The following THRA variants were observed in gnomAD, a reference collection of about 807,000 sequenced individuals.
THRA encodes the protein EAR-7.
A neutral mutation model predicts 45.0 loss-of-function variants in THRA; 13 were observed. The observed-to-expected ratio is 0.29, with a 90% CI of 0.19 to 0.46. The LOEUF (loss-of-function observed/expected upper bound fraction) is 0.46, where lower values mean the gene tolerates loss of function less well. THRA is among the 20% of genes least tolerant of loss of function. The pLI is 1.00. For synonymous variants in THRA, 195 were observed against 214.0 expected (o/e 0.91, Z 0.78); for missense variants, 278 against 556.1 (o/e 0.50, Z 5.03).
chr17:40,064,451 G>A (rs1013953203), intron 1 of THRA, among the ~76,000 whole-genome samples: 2 of 152,178 alleles, frequency 1.3e-5, no homozygotes, highest in Non-Finnish European at 2.9e-5. Flanking sequence ...CGTGACAGTC[G>A]CTGTCACTCA....
chr17:40,086,483 T>C (rs1186957203), intron 6 of THRA, among the ~76,000 whole-genome samples: 1 of 152,242 alleles, frequency 6.6e-6, no homozygotes, highest in African/African-American at 2.4e-5. Flanking sequence ...TCAGTCATTA[T>C]AGCTGCTACT....
chr17:40,066,685 GAAAA>G (rs1378449099), intron 1 of THRA, among the ~76,000 whole-genome samples: 2 of 68,036 alleles, frequency 2.9e-5, no homozygotes, highest in Non-Finnish European at 5.3e-5. Context: ...AAAAAAAAAA[GAAAA>G]ACAAAAAAGA....
chr17:40,091,245 C>CACACAG lies in THRA; in HGVS notation c.*1794_*1795insGACACA, dbSNP rs1379303177. 6.6e-5 allele frequency: 10 copies of CACACAG among 152,428 alleles called. No homozygotes were observed. 9.4% of individuals were successfully genotyped at this position (152,428 alleles called of 1,614,324 possible). A position where few individuals can be genotyped will look rare whatever the true frequency, so the allele number is the denominator to read the frequency against. On this transcript the variant is annotated 3_prime_UTR_variant, in exon 9 of 9. Coordinates refer to ENST00000450525, the MANE Select transcript of THRA (RefSeq NM_199334.5). ...CCACAGCCCCCTACACACACACACA[C>CACACAG]ACACACACACACACACACACACACA...
chr17:40,065,518 ACT>A (rs1398622216), intron 1 of THRA, among the ~76,000 whole-genome samples: 2 of 150,508 alleles, frequency 1.3e-5, no homozygotes, highest in Non-Finnish European at 3.0e-5. Context: ...CCAGTCTGTA[ACT>A]CTCTCTCACC....
intron 5 of THRA, among the ~76,000 whole-genome samples, chr17:40,084,282 C>T (rs965531549): frequency 1.3e-5 from 2 of 152,140 alleles, no homozygotes; most frequent in African/African-American, 4.8e-5. Flanking sequence ...TGACTCCCAG[C>T]GAAGGCACCC....
At chr17:40,068,314 C>T (rs1328697547) in intron 1 of THRA, among the ~76,000 whole-genome samples, 3 of 152,270 alleles carry the variant, frequency 2.0e-5, no homozygotes, top group African/African-American at 7.2e-5. Flanking sequence ...ATCCATGTTG[C>T]ATCCTGGCAT....
At chr17:40,069,129 C>A (rs1262733604) in intron 1 of THRA, 1 of 142,494 alleles carries the variant, frequency 7.0e-6, no homozygotes, top group African/African-American at 2.6e-5. Flanking sequence ...CCTCTTCCCT[C>A]TCCCTCTCTC....
chr17:40,066,018 C>T (rs1046616684), intron 1 of THRA, among the ~76,000 whole-genome samples: 2 of 152,228 alleles, frequency 1.3e-5, no homozygotes, highest in Non-Finnish European at 2.9e-5. Flanking sequence ...TCTCCACACC[C>T]CTGGCAGCTG....
rs1567656023 is a variant in THRA, at chr17:40,089,042, TCTC to T, written c.983-161_983-159del. Among the ~76,000 whole-genome samples the T allele has an allele frequency of 1.5e-5, 2 of 133,410 alleles. No homozygotes were observed. The highest frequency in any genetic ancestry group is 5.6e-5 in the African/African-American group (2 of 35,688). The allele number at this position is 133,410 out of a possible 152,430, so 87.5% of individuals were successfully genotyped here. On this transcript the variant is annotated intron_variant, in intron 8 of 8. Coordinates refer to ENST00000450525, the MANE Select transcript of THRA (RefSeq NM_199334.5). The surrounding 1 kb of genome is among the most constrained non-coding windows in gnomAD (Gnocchi z 6.1). ...CCAGCTGCCTCCCTCTCCCTGTGCT[TCTC>T]CTGTCCACGTCTCTCAGGGGGAGCT...
rs1598399130 is a variant in THRA at position 40,090,036 on chromosome 17, G to C, written c.*580G>C. 2 of 986,462 alleles carry C rather than the reference G, an allele frequency of 2.0e-6. No homozygotes were observed. Among genetic ancestry groups the C allele is most frequent in the Non-Finnish European group, 2.4e-6 (2 of 830,684 alleles). The allele number at this position is 986,462 out of a possible 1,614,324, so 61.1% of individuals were successfully genotyped here. A position where few individuals can be genotyped will look rare whatever the true frequency, so the allele number is the denominator to read the frequency against. ...GACAAATGAAGAAAAACTAGACAGA[G>C]AGAAAAATACAAAAAAGAGAGAGCG... is the stretch of plus-strand genomic sequence containing the variant. On this transcript the variant is annotated 3_prime_UTR_variant, in exon 9 of 9. Transcript: ENST00000450525.
chr17:40,080,785 C>T (rs1408136368), intron 4 of THRA, among the ~76,000 whole-genome samples: 1 of 148,304 alleles, frequency 6.7e-6, no homozygotes. Context: ...TGCAGTGGCG[C>T]GATCTTGGCT....
At chr17:40,093,008 C>G, downstream of THRA, 1 of 1,600,476 alleles carries the variant, frequency 6.2e-7, no homozygotes, top group Non-Finnish European at 8.5e-7. This position sits in a 1 kb window ranked among gnomAD's most constrained non-coding sequence, Gnocchi z 5.9. Context: ...TTTTCCTTTT[C>G]GTCTCGTAAA....
chr17:40,082,207 CTT>C (rs770974952), intron 4 of THRA, among the ~76,000 whole-genome samples: 1,754 of 78,746 alleles, frequency 0.022, 28 homozygotes, highest in African/African-American at 0.081. Flanking sequence ...CTTGGATTTC[CTT>C]TTTTTTTTTT....
At position 40,088,179 on chromosome 17, in the gene THRA, G is replaced by A. The variant is rs1449217981; in HGVS notation, c.724-63G>A. The A allele has an allele frequency of 2.6e-6, 4 of 1,538,208 alleles. No homozygotes were observed. In the East Asian group the frequency reaches 9.0e-5, roughly 35 times the overall value. On this transcript the variant is annotated intron_variant, in intron 7 of 8. Coordinates refer to ENST00000450525, the MANE Select transcript of THRA (RefSeq NM_199334.5). ...CTCACGGCTCCCGTAGGACACTCTA[G>A]GGGAGACTCAAGGACGCGGGGAGGG... is the stretch of plus-strand genomic sequence containing the variant.
chr17:40,076,999 C>G, intron 3 of THRA, 61 bp downstream of exon 3: 1 of 1,539,568 alleles, frequency 6.5e-7, no homozygotes, highest in Non-Finnish European at 8.9e-7. Flanking sequence ...CCAGCCAGGG[C>G]TCCTCTGGAC....
chr17:40,093,728 C>T (rs1987680068), downstream of THRA: 1 of 642,790 alleles, frequency 1.6e-6, no homozygotes, highest in Non-Finnish European at 2.7e-6. This position sits in a 1 kb window ranked among gnomAD's most constrained non-coding sequence, Gnocchi z 5.9. Context: ...TACTGTGACA[C>T]TTATCTCACT....
intron 4 of THRA, among the ~76,000 whole-genome samples, chr17:40,083,188 A>G (rs2145073738): frequency 6.6e-6 from 1 of 152,002 alleles, no homozygotes; most frequent in East Asian, 1.9e-4. Context: ...CAGCCTCCCA[A>G]AGTGCTGGGA....
chr17:40,082,758 CTTTTTTTTTTT>C (rs920725279), intron 4 of THRA, among the ~76,000 whole-genome samples: 21 of 67,516 alleles, frequency 3.1e-4, no homozygotes, highest in Non-Finnish European at 5.2e-4. Flanking sequence ...GAATCGCATG[CTTTTTTTTTTT>C]TTTTTTTTTT....
In THRA at chr17:40,092,258, G is replaced by A. The variant is rs148709476; in HGVS notation, c.*2802G>A. ...CTGCAGGGCTGGGAGAGGGCAGGGC[G>A]TTGTGAGAGAGAGACCGTCCATAAG... On this transcript the variant is annotated 3_prime_UTR_variant, in exon 9 of 9. Coordinates refer to ENST00000450525, the MANE Select transcript of THRA (RefSeq NM_199334.5). 1.2e-3 allele frequency: 183 copies of A among 149,528 alleles called. 1 individual carries two copies. Among genetic ancestry groups the A allele is most frequent in the Admixed American group, 3.1e-3 (46 of 15,080 alleles). 9.3% of individuals were successfully genotyped at this position (149,528 alleles called of 1,614,324 possible).
Sources: gnomAD v4.1 joint callset for allele counts (sites outside exome capture counted in the v4.1 genomes callset) on GRCh38, gnomAD v4.1.1 for gene constraint, Gnocchi (gnomAD v3.1) non-coding constraint, MANE v1.5 for transcripts, NCBI Gene and HGNC (gene_info 2026-07-23, HGNC 2026-07-21) for gene names.